The following TBL1X variants were observed in gnomAD, a reference collection of about 807,000 sequenced individuals.
The protein encoded by TBL1X is transducin beta like 1 X-linked.
Under a neutral mutation model 50.7 loss-of-function variants are expected in TBL1X, and 10 were observed. The ratio of observed to expected loss-of-function variants is 0.20; its 90% CI spans 0.12 to 0.33. The LOEUF (loss-of-function observed/expected upper bound fraction) is 0.33. TBL1X is among the 10% of genes least tolerant of loss of function. TBL1X has a pLI of 1.00. For synonymous variants in TBL1X, 190 were observed against 214.7 expected, an observed-to-expected ratio of 0.88 and a Z score of 1.01; for missense variants, 340 against 504.4, an observed-to-expected ratio of 0.67 and a Z score of 3.12.
rs182051776 is a variant in TBL1X, at chrX:9,719,228, G to A, written c.*2982G>A. The stretch of plus-strand genomic sequence containing the variant: ...ACCTGGGAAAGGGATGCTGCCCCAA[G>A]GGGGACCAAAAGGGCCGGACGTTAC... On this transcript the variant is annotated 3_prime_UTR_variant, in exon 18 of 18. Coordinates refer to ENST00000645353, the MANE Select transcript of TBL1X (RefSeq NM_005647.4). The A allele has an allele frequency of 1.8e-5, 2 of 112,044 alleles. No individual in the cohort carries two copies. The highest frequency in any genetic ancestry group is 4.6e-3 in the Middle Eastern group (1 of 216). 9.2% of individuals were successfully genotyped at this position (112,044 alleles called of 1,213,427 possible).
intron 2 of TBL1X, chrX:9,531,018 T>C (rs1262849620): frequency 8.9e-6 from 1 of 111,839 alleles, no homozygotes; most frequent in Non-Finnish European, 1.9e-5. Flanking sequence ...GCGGGATGTG[T>C]GCTTGTGCCG....
At chrX:9,608,530 A>G (rs1601791298) in intron 2 of TBL1X, among the ~76,000 whole-genome samples, 1 of 111,304 alleles carries the variant, frequency 9.0e-6, no homozygotes, top group Non-Finnish European at 1.9e-5. Context: ...CAGCCTCTAC[A>G]ATGTTTGTCT....
intron 5 of TBL1X, among the ~76,000 whole-genome samples, chrX:9,668,384 A>C (rs1401275590): frequency 2.8e-5 from 3 of 108,494 alleles, no homozygotes; most frequent in Non-Finnish European, 5.7e-5. Flanking sequence ...AAAAAAAAAA[A>C]AAAACTTTTG....
intron 1 of TBL1X, among the ~76,000 whole-genome samples, chrX:9,476,195 A>G (rs2081848752): frequency 1.8e-5 from 2 of 112,425 alleles, no homozygotes; most frequent in Non-Finnish European, 3.8e-5. Flanking sequence ...CTCTCCAGAG[A>G]CCAATGCATT....
At chrX:9,604,026 C>T (rs896829162) in intron 2 of TBL1X, among the ~76,000 whole-genome samples, 1 of 111,666 alleles carries the variant, frequency 9.0e-6, no homozygotes, top group Admixed American at 9.5e-5. Context: ...GACCCTTTTT[C>T]CAAATGAGGT....
At chrX:9,568,576 TTGTGTC>T (rs2082364514) in intron 2 of TBL1X, among the ~76,000 whole-genome samples, 1 of 106,217 alleles carries the variant, frequency 9.4e-6, no homozygotes, top group Non-Finnish European at 2.0e-5. Context: ...TCTGTGTATG[TTGTGTC>T]TATCTGTGCA....
At chrX:9,581,102 A>G (rs1478398825) in intron 2 of TBL1X, among the ~76,000 whole-genome samples, 3 of 111,703 alleles carry the variant, frequency 2.7e-5, no homozygotes, top group Non-Finnish European at 5.6e-5. Context: ...CATTGTTATT[A>G]AAAAACTAAG....
chrX:9,618,768 G>A (rs2082652046), intron 2 of TBL1X, among the ~76,000 whole-genome samples: 1 of 112,285 alleles, frequency 8.9e-6, no homozygotes, highest in Admixed American at 9.4e-5. Flanking sequence ...ATCTCACTTT[G>A]TCTATATCTA....
chrX:9,601,792 T>A (rs1423794318), intron 2 of TBL1X, among the ~76,000 whole-genome samples: 1 of 112,023 alleles, frequency 8.9e-6, no homozygotes, highest in Non-Finnish European at 1.9e-5. Flanking sequence ...GGCTCACACC[T>A]GTAGTCCCAG....
At chrX:9,610,190 G>A (rs2082606522) in intron 2 of TBL1X, among the ~76,000 whole-genome samples, 1 of 112,389 alleles carries the variant, frequency 8.9e-6, no homozygotes, top group African/African-American at 3.2e-5. Context: ...GAAGGGCCCT[G>A]GTTGTGTACT....
At chrX:9,576,867 G>A (rs1302996597) in intron 2 of TBL1X, among the ~76,000 whole-genome samples, 1 of 109,578 alleles carries the variant, frequency 9.1e-6, no homozygotes, top group African/African-American at 3.3e-5. Context: ...GGGAGTGGTG[G>A]AGTGCACCTG....
At chrX:9,651,918 G>A (rs1315476763) in intron 3 of TBL1X, among the ~76,000 whole-genome samples, 2 of 112,562 alleles carry the variant, frequency 1.8e-5, no homozygotes, top group Non-Finnish European at 3.7e-5. Flanking sequence ...ATCTCTTGCT[G>A]GATAACAGAC....
Position 9,573,093 on chromosome X carries a change from A to G in TBL1X, c.-130-67180A>G, listed in dbSNP as rs756416015. On this transcript the variant is annotated intron_variant, in intron 2 of 17. Coordinates refer to ENST00000645353, the MANE Select transcript of TBL1X (RefSeq NM_005647.4). ...TTTGTTAACCTAAAGAAAAACCTTC[A>G]TTTGTAAAGCAAATCATCACAGCAG... Among the ~76,000 whole-genome samples the G allele has an allele frequency of 1.3e-3, 144 of 113,076 alleles. 1 individual carries two copies. Among genetic ancestry groups the G allele is most frequent in the African/African-American group, 4.6e-3 (142 of 31,208 alleles).
chrX:9,534,798 A>G (rs948279265), intron 2 of TBL1X: 1 of 110,974 alleles, frequency 9.0e-6, no homozygotes, highest in African/African-American at 3.3e-5. Flanking sequence ...GAGTGTAGGC[A>G]TTGTCAGCTG....
intron 5 of TBL1X, among the ~76,000 whole-genome samples, chrX:9,659,878 G>C (rs2082887384): frequency 8.9e-6 from 1 of 112,497 alleles, no homozygotes; most frequent in African/African-American, 3.2e-5. Context: ...AGGATTTGCA[G>C]CTAGCCTTCT....
At chrX:9,705,170 C>T (rs889968121) in intron 13 of TBL1X, 56 bp downstream of exon 13, 94 of 1,203,641 alleles carry the variant, frequency 7.8e-5, no homozygotes, top group Middle Eastern at 6.9e-4. Context: ...ATGTGGGAGC[C>T]GATTCTTGTG....
At position 9,713,426 on chromosome X, in the gene TBL1X, CTTTTTTT is replaced by C. The variant is rs1159464236; in HGVS notation, c.1606-1464_1606-1458del. ...AATCAAAGAAATCCTTAGGACTTTT[CTTTTTTT>C]TTTTTTTTTTTGGATCGGAGTTTCA... On this transcript the variant is annotated intron_variant, in intron 16 of 17. Coordinates refer to ENST00000645353, the MANE Select transcript of TBL1X (RefSeq NM_005647.4). Among the ~76,000 whole-genome samples the C allele has an allele frequency of 7.6e-5, 6 of 78,514 alleles. No individual in the cohort carries two copies. In the South Asian group the frequency reaches 1.6e-3, roughly 20 times the overall value. 68.2% of individuals were successfully genotyped at this position (78,514 alleles called of 115,157 possible). A position where few individuals can be genotyped will look rare whatever the true frequency, so the allele number is the denominator to read the frequency against.
At chrX:9,676,251 G>A (rs1316913549) in intron 5 of TBL1X, among the ~76,000 whole-genome samples, 2 of 112,186 alleles carry the variant, frequency 1.8e-5, no homozygotes, top group African/African-American at 6.5e-5. Flanking sequence ...TGCAGCAGGA[G>A]CTGAGGCTTC....
intron 1 of TBL1X, among the ~76,000 whole-genome samples, chrX:9,477,002 A>T (rs1354197124): frequency 3.6e-5 from 4 of 112,420 alleles, no homozygotes; most frequent in Non-Finnish European, 7.5e-5. Context: ...AGTACTGCTC[A>T]TATCCACCCA....
Sources: allele counts gnomAD v4.1 joint callset (sites outside exome capture counted in the v4.1 genomes callset), GRCh38; gene constraint gnomAD v4.1.1; transcripts MANE v1.5; gene names NCBI Gene and HGNC (gene_info 2026-07-23, HGNC 2026-07-21).